ADGRL2: variants seen among roughly 807,000 people sequenced by gnomAD.
The protein encoded by ADGRL2 is adhesion G protein-coupled receptor L2.
Under a neutral mutation model 157.4 loss-of-function variants are expected in ADGRL2, and 44 were observed. That is an observed-to-expected ratio of 0.28 (90% CI 0.22 to 0.36). The LOEUF (loss-of-function observed/expected upper bound fraction) is 0.36, where lower values mean the gene tolerates loss of function less well. Among genes scored for constraint, ADGRL2 ranks in the 10% least tolerant of loss-of-function variants. The pLI is 1.00. For missense variants in ADGRL2, 1,510 were observed against 1,768.9 expected (o/e 0.85, Z 2.63); for synonymous variants, 585 against 624.7 (o/e 0.94, Z 0.95).
rs188897224 is a variant in ADGRL2 at position 81,771,633 on chromosome 1, A to G, written c.-101+9781A>G. ...AATTCACACACTCTTAATGGTCTAA[A>G]GAGTCCAAGATAAGAATCTAGTTAC... On this transcript the variant is annotated intron_variant, in intron 2 of 20. Transcript: ENST00000359929. 3.2e-3 allele frequency among the ~76,000 whole-genome samples: 489 copies of G among 152,316 alleles called. 2 individuals are homozygous for G. The highest frequency in any genetic ancestry group is 0.011 in the African/African-American group (471 of 41,570).
chr1:81,559,466 G>A (rs768421876), intron 2 of ADGRL2, among the ~76,000 whole-genome samples: 27 of 148,558 alleles, frequency 1.8e-4, no homozygotes, highest in Non-Finnish European at 3.0e-4. Context: ...TTTTTTTAAT[G>A]TTCCTACCAC....
intron 2 of ADGRL2, among the ~76,000 whole-genome samples, chr1:81,901,458 C>T (rs2094484891): frequency 6.6e-6 from 1 of 151,936 alleles, no homozygotes; most frequent in Non-Finnish European, 1.5e-5. Flanking sequence ...GATTGTGATT[C>T]AGTAGGTCTG....
intron 3 of ADGRL2, among the ~76,000 whole-genome samples, chr1:81,595,331 G>C (rs2081210118): frequency 6.6e-6 from 1 of 152,224 alleles, no homozygotes; most frequent in African/African-American, 2.4e-5. Flanking sequence ...TACCTTCCCA[G>C]TAAACATGGG....
At chr1:81,753,044 G>A (rs1323757174) in intron 1 of ADGRL2, among the ~76,000 whole-genome samples, 1 of 152,128 alleles carries the variant, frequency 6.6e-6, no homozygotes, top group East Asian at 1.9e-4. Flanking sequence ...GGCTATGCAG[G>A]CCATACATGA....
At chr1:81,915,901 C>G (rs2094844969) in intron 3 of ADGRL2, among the ~76,000 whole-genome samples, 2 of 151,954 alleles carry the variant, frequency 1.3e-5, no homozygotes, top group African/African-American at 4.8e-5. Context: ...TGTATTCCAC[C>G]TTTCTCATTT....
intron 1 of ADGRL2, among the ~76,000 whole-genome samples, chr1:81,320,944 G>A (rs1660460391): frequency 1.3e-5 from 2 of 152,226 alleles, no homozygotes; most frequent in African/African-American, 2.4e-5. Flanking sequence ...CTCCTCTCTA[G>A]CTAGTTAAGT....
chr1:81,321,197 T>G (rs2100620285), intron 1 of ADGRL2, among the ~76,000 whole-genome samples: 1 of 152,328 alleles, frequency 6.6e-6, no homozygotes, highest in Middle Eastern at 3.4e-3. Flanking sequence ...TGAAGAGAGT[T>G]AAGGCCTTGC....
chr1:81,491,993 T>C (rs951224654), intron 2 of ADGRL2, among the ~76,000 whole-genome samples: 9 of 152,186 alleles, frequency 5.9e-5, no homozygotes, highest in African/African-American at 1.9e-4. Flanking sequence ...AAACTGAGTC[T>C]CTGATGACCA....
At chr1:81,313,638 A>T (rs191631909) in intron 1 of ADGRL2, among the ~76,000 whole-genome samples, 291 of 152,310 alleles carry the variant, frequency 1.9e-3, no homozygotes, top group Non-Finnish European at 3.6e-3. Context: ...TTGACTATGG[A>T]TCAGACAAAT....
At chr1:81,352,037 C>T (rs1445438083) in intron 1 of ADGRL2, among the ~76,000 whole-genome samples, 1 of 152,236 alleles carries the variant, frequency 6.6e-6, no homozygotes, top group African/African-American at 2.4e-5. Context: ...TGTACTGCTT[C>T]TAACCTCAAA....
intron 1 of ADGRL2, among the ~76,000 whole-genome samples, chr1:81,710,377 C>A (rs570877599): frequency 2.0e-5 from 3 of 151,996 alleles, no homozygotes; most frequent in Admixed American, 6.6e-5. Context: ...ATAATCACAG[C>A]ACTTTGGGAG....
At chr1:81,441,626 GT>G (rs1300108389) in intron 1 of ADGRL2, among the ~76,000 whole-genome samples, 3 of 152,104 alleles carry the variant, frequency 2.0e-5, no homozygotes, top group Non-Finnish European at 2.9e-5. Context: ...CCAGGTTCAG[GT>G]TCAAGTGATT....
intron 1 of ADGRL2, among the ~76,000 whole-genome samples, chr1:81,813,808 T>C (rs1394158171): frequency 6.6e-6 from 1 of 151,694 alleles, no homozygotes; most frequent in East Asian, 1.9e-4. Flanking sequence ...TTACCTTTTT[T>C]CCCCCTAATA....
chr1:81,333,340 C>T (rs1211272828), intron 1 of ADGRL2, among the ~76,000 whole-genome samples: 1 of 152,146 alleles, frequency 6.6e-6, no homozygotes, highest in Non-Finnish European at 1.5e-5. Context: ...AAGCATCCAA[C>T]CAGAGGACAT....
intron 2 of ADGRL2, among the ~76,000 whole-genome samples, chr1:81,889,519 A>C (rs1238937534): frequency 6.6e-6 from 1 of 152,210 alleles, no homozygotes; most frequent in African/African-American, 2.4e-5. Flanking sequence ...TACAGTTACC[A>C]GAGGTTAGCT....
At chr1:81,496,822 T>C (rs756893438) in intron 2 of ADGRL2, among the ~76,000 whole-genome samples, 1 of 148,688 alleles carries the variant, frequency 6.7e-6, no homozygotes, top group African/African-American at 2.5e-5. Context: ...TCAATTACCC[T>C]GATGACAAAT....
chr1:81,748,467 CAAAAA>C (rs973818702), intron 1 of ADGRL2, among the ~76,000 whole-genome samples: 1 of 42,408 alleles, frequency 2.4e-5, no homozygotes, highest in South Asian at 1.1e-3. Context: ...GATTCCGTCT[CAAAAA>C]AAAAAAAAAA....
At chr1:81,389,030 G>A (rs146564190) in intron 1 of ADGRL2, among the ~76,000 whole-genome samples, 58 of 152,204 alleles carry the variant, frequency 3.8e-4, no homozygotes, top group Middle Eastern at 3.4e-3. Context: ...TGTGGCAAAG[G>A]CAACTTAAGC....
intron 15 of ADGRL2, among the ~76,000 whole-genome samples, chr1:81,969,996 A>G (rs1400749003): frequency 1.1e-5 from 1 of 90,156 alleles, no homozygotes; most frequent in African/African-American, 4.8e-5. Flanking sequence ...TTTAGATTTC[A>G]TAACAGATAA....
Sources: gnomAD v4.1 joint callset for allele counts (sites outside exome capture counted in the v4.1 genomes callset) on GRCh38, gnomAD v4.1.1 for gene constraint, MANE v1.5 for transcripts, NCBI Gene and HGNC (gene_info 2026-07-23, HGNC 2026-07-21) for gene names.